The following PPP1R12A variants were observed in gnomAD, a reference collection of about 807,000 sequenced individuals.
PPP1R12A encodes protein phosphatase 1 regulatory subunit 12A.
In PPP1R12A, 19 loss-of-function variants were observed where a neutral mutation model predicts 139.6. The observed-to-expected ratio is 0.14, with a 90% confidence interval of 0.09 to 0.20. The LOEUF (loss-of-function observed/expected upper bound fraction) is 0.20, where lower values mean the gene tolerates loss of function less well. Among genes scored for constraint, PPP1R12A ranks in the 10% least tolerant of loss-of-function variants. The pLI is 1.00. For missense variants in PPP1R12A, 925 were observed against 1,211.5 expected, an observed-to-expected ratio of 0.76 and a Z score of 3.51; for synonymous variants, 427 against 420.6, an observed-to-expected ratio of 1.02 and a Z score of -0.19.
chr12:79,776,668 T>C (rs941020106), intron 24 of PPP1R12A, among the ~76,000 whole-genome samples: 10 of 152,144 alleles, frequency 6.6e-5, no homozygotes, highest in African/African-American at 2.4e-4. Context: ...ATAACCAATT[T>C]TGAAGCAAAT....
chr12:79,930,802 G>C (rs1251969835), intron 1 of PPP1R12A, among the ~76,000 whole-genome samples: 1 of 151,928 alleles, frequency 6.6e-6, no homozygotes, highest in Non-Finnish European at 1.5e-5. Context: ...AAATAATAAA[G>C]GTATGAACTA....
chr12:79,782,640 GA>G (rs781100474), intron 22 of PPP1R12A: 49 of 403,912 alleles, frequency 1.2e-4, no homozygotes, highest in Admixed American at 1.8e-4. Context: ...AACAAAAAAA[GA>G]AAAAAAAAGA....
chr12:79,899,253 T>C (rs1434035862), intron 1 of PPP1R12A, among the ~76,000 whole-genome samples: 1 of 1,682 alleles, frequency 5.9e-4, no homozygotes, highest in South Asian at 6.3e-3. Flanking sequence ...TATATATATA[T>C]ATATATATAT....
At chr12:79,820,678 C>G (rs1875994543) in intron 8 of PPP1R12A, 96 bp downstream of exon 8, 1 of 1,314,194 alleles carries the variant, frequency 7.6e-7, no homozygotes, top group Admixed American at 2.1e-5. Context: ...AAACAAGTAG[C>G]AAATCAGTCT....
chr12:79,876,869 C>T lies in PPP1R12A; in HGVS notation c.238-3931G>A, dbSNP rs140637506. 6.0e-3 allele frequency among the ~76,000 whole-genome samples: 913 copies of T among 152,030 alleles called. 9 individuals carry two copies. Among genetic ancestry groups the T allele is most frequent in the African/African-American group, 0.018 (742 of 41,484 alleles). ...TACTAAAAATACAAAAAACTAGCCA[C>T]GCATGGTGGCACACACCTGTAGTCC... On this transcript the variant is annotated intron_variant, in intron 1 of 24. Transcript: ENST00000450142.
At chr12:79,777,490 T>C (rs1297789523) in intron 24 of PPP1R12A, 1 of 985,214 alleles carries the variant, frequency 1.0e-6, no homozygotes, top group African/African-American at 1.7e-5. Context: ...TGCCTGGCTC[T>C]ACCAAGAAGA....
chr12:79,796,433 A>C (rs945711936), intron 17 of PPP1R12A, among the ~76,000 whole-genome samples: 1 of 149,238 alleles, frequency 6.7e-6, no homozygotes, highest in African/African-American at 2.5e-5. Context: ...TTTAAATGAT[A>C]TGATCTACAC....
At chr12:79,793,165 C>T (rs1036880377) in intron 19 of PPP1R12A, among the ~76,000 whole-genome samples, 1 of 152,160 alleles carries the variant, frequency 6.6e-6, no homozygotes, top group Non-Finnish European at 1.5e-5. Flanking sequence ...CAGCTCTATC[C>T]TCATATGAAC....
chr12:79,907,446 TAAAC>T (rs1886221648), intron 1 of PPP1R12A, among the ~76,000 whole-genome samples: 3 of 152,102 alleles, frequency 2.0e-5, no homozygotes, highest in South Asian at 2.1e-4. Flanking sequence ...ATATAAAAGT[TAAAC>T]AAAATAAAAA....
chr12:79,823,492 T>C lies in PPP1R12A; in HGVS notation c.793-1302A>G, dbSNP rs184137688. Reference sequence around the variant, plus strand: ...TAACATGTATTCAGAAAGGAGCTAATTTCCAAACACTACAAAACAAACTAT... The same window carrying C: ...TAACATGTATTCAGAAAGGAGCTAACTTCCAAACACTACAAAACAAACTAT... On this transcript the variant is annotated intron_variant, in intron 5 of 24. Coordinates refer to ENST00000450142, the MANE Select transcript of PPP1R12A (RefSeq NM_002480.3). Among the ~76,000 whole-genome samples the C allele has an allele frequency of 7.9e-5, 12 of 152,250 alleles. No homozygotes were observed. In the East Asian group the frequency reaches 1.9e-3, roughly 24 times the overall value.
At position 79,868,656 on chromosome 12, in the gene PPP1R12A, CTCTTA is replaced by C. The variant is rs758213844; in HGVS notation, c.368+4147_368+4151del. On this transcript the variant is annotated intron_variant, in intron 2 of 24. Coordinates refer to ENST00000450142, the MANE Select transcript of PPP1R12A (RefSeq NM_002480.3). ...GTCTCTTTTTTGTCCCAATGTCTTC[CTCTTA>C]TAAGAAAACCAGCCAGACTGGATGA... Among the ~76,000 whole-genome samples, 143 of 152,148 alleles carry C rather than the reference CTCTTA, an allele frequency of 9.4e-4. 2 individuals carry two copies. The highest frequency in any genetic ancestry group is 8.1e-4 in the Non-Finnish European group (55 of 68,004).
chr12:79,901,754 T>C (rs1416973190), intron 1 of PPP1R12A, among the ~76,000 whole-genome samples: 3 of 152,140 alleles, frequency 2.0e-5, no homozygotes, highest in Non-Finnish European at 4.4e-5. Context: ...TTGGGTTCAC[T>C]GCTAGACAAA....
At chr12:79,818,074 T>C (rs1021047400) in intron 8 of PPP1R12A, among the ~76,000 whole-genome samples, 9 of 152,304 alleles carry the variant, frequency 5.9e-5, no homozygotes, top group Non-Finnish European at 1.3e-4. Flanking sequence ...TGGAAAATAA[T>C]CCACCTAACT....
chr12:79,870,802 T>C (rs984147874), intron 2 of PPP1R12A, among the ~76,000 whole-genome samples: 1 of 152,204 alleles, frequency 6.6e-6, no homozygotes, highest in African/African-American at 2.4e-5. Flanking sequence ...ATACTTCTTA[T>C]ATACTAGCAT....
chr12:79,821,381 T>G (rs575879009), intron 6 of PPP1R12A, among the ~76,000 whole-genome samples: 178 of 152,270 alleles, frequency 1.2e-3, no homozygotes, highest in African/African-American at 4.2e-3. Flanking sequence ...CTAAGATGGA[T>G]TTTTTACATC....
intron 3 of PPP1R12A, among the ~76,000 whole-genome samples, chr12:79,839,613 A>C (rs563136721): frequency 8.5e-5 from 13 of 152,174 alleles, no homozygotes; most frequent in African/African-American, 2.4e-4. Flanking sequence ...TGTGATAGTG[A>C]GTGAGTTCCC....
At chr12:79,903,549 C>T (rs1159972484) in intron 1 of PPP1R12A, among the ~76,000 whole-genome samples, 1 of 151,952 alleles carries the variant, frequency 6.6e-6, no homozygotes, top group East Asian at 1.9e-4. Flanking sequence ...GACCCATCCC[C>T]AAGATACCTC....
intron 16 of PPP1R12A, 61 bp downstream of exon 16, chr12:79,797,134 T>A: frequency 7.1e-7 from 1 of 1,413,530 alleles, no homozygotes; most frequent in Non-Finnish European, 9.6e-7. Flanking sequence ...CTCTTGTATG[T>A]TAAGGATCAT....
intron 4 of PPP1R12A, 57 bp from the exon 5 acceptor site, chr12:79,828,521 A>G (rs1592679149): frequency 7.6e-7 from 1 of 1,313,756 alleles, no homozygotes; most frequent in East Asian, 2.5e-5. Flanking sequence ...AATGATCATG[A>G]TCAAAAGCTA....
Sources: gnomAD v4.1 joint callset for allele counts (sites outside exome capture counted in the v4.1 genomes callset) on GRCh38, gnomAD v4.1.1 for gene constraint, MANE v1.5 for transcripts, NCBI Gene and HGNC (gene_info 2026-07-23, HGNC 2026-07-21) for gene names.